The following RIT2 variants were observed in gnomAD, a reference collection of about 807,000 sequenced individuals.
RIT2 encodes GTP-binding protein Rit2.
Under a neutral mutation model 23.7 loss-of-function variants are expected in RIT2, and 24 were observed. The observed-to-expected ratio is 1.01, with a 90% CI of 0.73 to 1.43. The LOEUF (loss-of-function observed/expected upper bound fraction) is 1.43. Ranked by LOEUF, RIT2 falls within the 40% of genes most tolerant of loss-of-function variation. The pLI is 0.00. For synonymous variants in RIT2, 107 were observed against 91.1 expected (o/e 1.17, Z -0.99); for missense variants, 236 against 266.9 (o/e 0.88, Z 0.81).
chr18:43,054,313 C>T (rs900763510), intron 1 of RIT2, among the ~76,000 whole-genome samples: 7 of 152,034 alleles, frequency 4.6e-5, no homozygotes, highest in African/African-American at 1.4e-4. Flanking sequence ...AAAGGTGTCT[C>T]TTTGAGGCAA....
chr18:42,980,038 A>G (rs1910561466), intron 2 of RIT2, among the ~76,000 whole-genome samples: 1 of 152,064 alleles, frequency 6.6e-6, no homozygotes, highest in Non-Finnish European at 1.5e-5. Context: ...CGAAAAGAGA[A>G]AAGAAGTTGC....
chr18:43,006,191 A>G (rs1911224317), intron 2 of RIT2, among the ~76,000 whole-genome samples: 1 of 151,784 alleles, frequency 6.6e-6, no homozygotes, highest in Non-Finnish European at 1.5e-5. Flanking sequence ...ACAATTTTTA[A>G]GAAACTATCT....
In RIT2 at chr18:42,905,624, C is replaced by G. The variant is rs187598464; in HGVS notation, c.426+17948G>C. ...AGTAGCTGGGATTACAGTTGCCCAC[C>G]ACCATGCCTGGCTAATTTTTGTGTT... On this transcript the variant is annotated intron_variant, in intron 4 of 4. Coordinates refer to ENST00000326695, the MANE Select transcript of RIT2 (RefSeq NM_002930.4). 4.0e-3 allele frequency among the ~76,000 whole-genome samples: 612 copies of G among 152,198 alleles called. 10 individuals are homozygous for G. The highest frequency in any genetic ancestry group is 0.014 in the African/African-American group (594 of 41,522).
rs1292602302 is a variant in RIT2 at position 42,777,647 on chromosome 18, CA to C, written c.427-33928del. 3.3e-5 allele frequency among the ~76,000 whole-genome samples: 5 copies of C among 152,230 alleles called. No individual in the cohort carries two copies. In the East Asian group the frequency reaches 9.7e-4, roughly 29 times the overall value. ...CAGTATACATATTGTCATTTAGATCCAGGTCACCCCTCACTTCAGATTTGTT... is the reference window on the plus strand; with the variant it reads ...CAGTATACATATTGTCATTTAGATCCGGTCACCCCTCACTTCAGATTTGTT... On this transcript the variant is annotated intron_variant, in intron 4 of 4. Transcript: ENST00000326695.
intron 4 of RIT2, among the ~76,000 whole-genome samples, chr18:42,749,018 TC>T (rs1912983331): frequency 6.6e-6 from 1 of 151,980 alleles, no homozygotes; most frequent in Admixed American, 6.6e-5. Flanking sequence ...ATACAACATG[TC>T]ATAGCTAACA....
chr18:42,891,596 C>T (rs1195203892), intron 4 of RIT2, among the ~76,000 whole-genome samples: 6 of 152,020 alleles, frequency 3.9e-5, no homozygotes, highest in Non-Finnish European at 4.4e-5. Flanking sequence ...CAGGGTAAGA[C>T]ATGGAATAAC....
At chr18:42,823,610 C>A (rs1242960695) in intron 4 of RIT2, among the ~76,000 whole-genome samples, 1 of 152,064 alleles carries the variant, frequency 6.6e-6, no homozygotes, top group African/African-American at 2.4e-5. Context: ...GGCAATTTAT[C>A]CCTGCACACT....
intron 1 of RIT2, among the ~76,000 whole-genome samples, chr18:43,103,021 T>C (rs1417775574): frequency 6.6e-6 from 1 of 152,186 alleles, no homozygotes; most frequent in Non-Finnish European, 1.5e-5. Flanking sequence ...AAACTTCCTG[T>C]GGTCTATTTG....
At chr18:42,858,495 TC>T (rs1482851398) in intron 4 of RIT2, among the ~76,000 whole-genome samples, 2 of 151,842 alleles carry the variant, frequency 1.3e-5, no homozygotes, top group Non-Finnish European at 2.9e-5. Context: ...CACAAAGGAG[TC>T]CCCTGAATGG....
At chr18:42,875,254 GT>G (rs994956697) in intron 4 of RIT2, among the ~76,000 whole-genome samples, 5 of 149,832 alleles carry the variant, frequency 3.3e-5, no homozygotes, top group African/African-American at 7.4e-5. Context: ...GTTTCATTTT[GT>G]TTCAAATTTT....
intron 2 of RIT2, among the ~76,000 whole-genome samples, chr18:43,000,792 C>T (rs780318988): frequency 6.6e-6 from 1 of 151,960 alleles, no homozygotes; most frequent in Non-Finnish European, 1.5e-5. Context: ...GCCTCCCCAG[C>T]CATGTGGAAC....
intron 3 of RIT2, among the ~76,000 whole-genome samples, chr18:42,966,911 C>G (rs529384766): frequency 6.6e-6 from 1 of 151,876 alleles, no homozygotes; most frequent in Middle Eastern, 3.4e-3. Flanking sequence ...TACAACTGTA[C>G]CGTAGTTATG....
At chr18:42,905,991 TGTATATATATATATAC>T (rs1386636664) in intron 4 of RIT2, among the ~76,000 whole-genome samples, 39 of 826 alleles carry the variant, frequency 0.047, no homozygotes, top group African/African-American at 0.18. Flanking sequence ...TATATATATA[TGTATATATATATATAC>T]ATATATATAT....
intron 4 of RIT2, among the ~76,000 whole-genome samples, chr18:42,810,040 TTA>T (rs1299578654): frequency 1.4e-5 from 2 of 146,816 alleles, no homozygotes; most frequent in Admixed American, 6.9e-5. Context: ...TATATATAAG[TTA>T]CATATGTTAT....
chr18:43,037,407 T>A (rs1185031678), intron 1 of RIT2, among the ~76,000 whole-genome samples: 4 of 152,196 alleles, frequency 2.6e-5, no homozygotes. Context: ...TAACTTTGTT[T>A]CTATTTTGGG....
chr18:43,045,165 C>T (rs1260556301), intron 1 of RIT2, among the ~76,000 whole-genome samples: 1 of 152,072 alleles, frequency 6.6e-6, no homozygotes, highest in Non-Finnish European at 1.5e-5. Flanking sequence ...CATACCTGTG[C>T]CAACATACGT....
chr18:42,942,964 T>A (rs374712905), intron 3 of RIT2, among the ~76,000 whole-genome samples: 1 of 152,084 alleles, frequency 6.6e-6, no homozygotes, highest in Non-Finnish European at 1.5e-5. Flanking sequence ...GGGTTCATAG[T>A]CTTGCTGACT....
intron 2 of RIT2, among the ~76,000 whole-genome samples, chr18:43,031,591 G>T (rs1228515451): frequency 6.6e-6 from 1 of 152,018 alleles, no homozygotes; most frequent in Non-Finnish European, 1.5e-5. Context: ...TACTCCTTGG[G>T]ATGAACACTG....
At chr18:43,056,260 AC>A in intron 1 of RIT2, among the ~76,000 whole-genome samples, 1 of 152,184 alleles carries the variant, frequency 6.6e-6, no homozygotes, top group South Asian at 2.1e-4. Context: ...AAAGTCACTG[AC>A]AAAAACAAAG....
Sources: gnomAD v4.1 joint callset for allele counts (sites outside exome capture counted in the v4.1 genomes callset) on GRCh38, gnomAD v4.1.1 for gene constraint, MANE v1.5 for transcripts, NCBI Gene and HGNC (gene_info 2026-07-23, HGNC 2026-07-21) for gene names.